Variants in DPYD observed in about 807,000 individuals in gnomAD.
The protein encoded by DPYD is dihydropyrimidine dehydrogenase [NADP(+)].
In DPYD, 109 loss-of-function variants were observed where a neutral mutation model predicts 116.2. The ratio of observed to expected loss-of-function variants is 0.94; its 90% CI spans 0.80 to 1.10. The LOEUF is 1.10. Among genes scored for constraint, DPYD ranks in the 50% least tolerant of loss-of-function variants. The pLI, the probability that DPYD is intolerant of heterozygous loss-of-function variation, is 0.00. For missense variants in DPYD, 1,302 were observed against 1,254.5 expected, an observed-to-expected ratio of 1.04 and a Z score of -0.57; for synonymous variants, 440 against 432.0, an observed-to-expected ratio of 1.02 and a Z score of -0.23.
intron 16 of DPYD, among the ~76,000 whole-genome samples, chr1:97,335,480 A>T (rs1268210057): frequency 6.6e-6 from 1 of 152,136 alleles, no homozygotes; most frequent in Non-Finnish European, 1.5e-5. Context: ...CTTCCTTAGA[A>T]ATTTTTTAAA....
At position 97,672,642 on chromosome 1, in the gene DPYD, T is replaced by C. The variant is rs556877548; in HGVS notation, c.850+6453A>G. ...TTACATTTTTATCTGGGGACAGAAG[T>C]AAAGCAAATGGTCTAAAAACTTAAT... On this transcript the variant is annotated intron_variant, in intron 8 of 22. Coordinates refer to ENST00000370192, the MANE Select transcript of DPYD (RefSeq NM_000110.4). 2.2e-4 allele frequency among the ~76,000 whole-genome samples: 34 copies of C among 152,274 alleles called. No individual in the cohort carries two copies. In the South Asian group the frequency reaches 6.8e-3, roughly 31 times the overall value.
intron 13 of DPYD, among the ~76,000 whole-genome samples, chr1:97,464,413 G>GA (rs1164413478): frequency 2.0e-5 from 3 of 152,112 alleles, no homozygotes; most frequent in Non-Finnish European, 4.4e-5. Flanking sequence ...AAAGACAACT[G>GA]AAAAAATGCC....
chr1:97,163,795 C>T (rs1314492206), intron 20 of DPYD, among the ~76,000 whole-genome samples: 1 of 152,170 alleles, frequency 6.6e-6, no homozygotes, highest in Non-Finnish European at 1.5e-5. Flanking sequence ...TCTCTTACTA[C>T]TGATGCTCTG....
intron 21 of DPYD, 135 bp downstream of exon 21, chr1:97,098,354 A>G: frequency 9.7e-7 from 1 of 1,027,256 alleles, no homozygotes; most frequent in African/African-American, 1.6e-5. Context: ...CACCATGGAC[A>G]GATGTTTTTA....
chr1:97,642,803 G>T (rs1658011308), intron 8 of DPYD, among the ~76,000 whole-genome samples: 1 of 150,822 alleles, frequency 6.6e-6, no homozygotes, highest in Admixed American at 6.6e-5. Flanking sequence ...AATGGCTGCA[G>T]CACACCAGCA....
rs562625563 is a variant in DPYD, at chr1:97,743,681, C to T, written c.234-3202G>A. Among the ~76,000 whole-genome samples the T allele has an allele frequency of 3.7e-4, 57 of 152,168 alleles. 1 individual carries two copies. The highest frequency in any genetic ancestry group is 1.3e-3 in the African/African-American group (52 of 41,550). On this transcript the variant is annotated intron_variant, in intron 3 of 22. Transcript: ENST00000370192. The stretch of plus-strand genomic sequence containing the variant: ...TGTCAGAATGTTATTACCTAAATTG[C>T]TTTAAATGATTGATACCATGAAAAA...
At chr1:97,117,800 G>A (rs1262839377) in intron 20 of DPYD, among the ~76,000 whole-genome samples, 1 of 152,092 alleles carries the variant, frequency 6.6e-6, no homozygotes. Flanking sequence ...TAGAAACTCT[G>A]ATAAAACAAT....
chr1:97,606,776 T>C (rs1655626985), intron 8 of DPYD, among the ~76,000 whole-genome samples: 1 of 151,914 alleles, frequency 6.6e-6, no homozygotes, highest in Admixed American at 6.6e-5. Context: ...AAAATAAGAA[T>C]GGAAGAAGGT....
Position 97,139,593 on chromosome 1 carries a change from G to A in DPYD, c.2623-40961C>T, listed in dbSNP as rs574231582. Among the ~76,000 whole-genome samples the A allele has an allele frequency of 1.4e-4, 21 of 152,200 alleles. No individual in the cohort carries two copies. The East Asian group carries it at 3.1e-3, about 22-fold the overall frequency. On this transcript the variant is annotated intron_variant, in intron 20 of 22. Transcript: ENST00000370192. ...TATCATTACATCCTTGGTTTTAAAC[G>A]TCATTACCACACTACCAGATATTTC...
At chr1:97,176,349 C>T (rs1048906493) in intron 20 of DPYD, among the ~76,000 whole-genome samples, 1 of 152,108 alleles carries the variant, frequency 6.6e-6, no homozygotes, top group Non-Finnish European at 1.5e-5. Context: ...CTCTATTGCC[C>T]CTATGGAGAT....
chr1:97,303,060 A>C (rs1226412287), intron 18 of DPYD, among the ~76,000 whole-genome samples: 2 of 151,898 alleles, frequency 1.3e-5, no homozygotes, highest in Non-Finnish European at 2.9e-5. Flanking sequence ...CAGGTATACT[A>C]CTCCAGGTGC....
At chr1:97,730,378 C>T (rs576269848) in intron 4 of DPYD, among the ~76,000 whole-genome samples, 2 of 152,036 alleles carry the variant, frequency 1.3e-5, no homozygotes, top group Non-Finnish European at 2.9e-5. Context: ...TGCACCATCA[C>T]GCCCGGCTAA....
Position 97,450,184 on chromosome 1 carries a change from T to C in DPYD, c.1780A>G (p.Thr594Ala). ...TNVSPRIIRGTTSGPMYGPGQ... is the reference protein window; with the variant it reads ...TNVSPRIIRGATSGPMYGPGQ... ...GGGCCATACATGGGGCCAGAGGTGGTTCCCCGGATGATTCTGGGGGAAACA... is the reference window on the plus strand; with the variant it reads ...GGGCCATACATGGGGCCAGAGGTGGCTCCCCGGATGATTCTGGGGGAAACA... Residue 594 changes from threonine (T) to alanine (A), a missense_variant, in exon 14 of 23, where the codon ACC (threonine) becomes GCC (alanine). Physicochemically the swap from Thr to Ala is moderately conservative, Grantham distance 58 (BLOSUM62 0). Transcript: ENST00000370192. The C allele has an allele frequency of 6.2e-7, 1 of 1,613,798 alleles. No homozygotes were observed. Among genetic ancestry groups the C allele is most frequent in the Admixed American group, 1.7e-5 (1 of 59,952 alleles).
chr1:97,828,084 G>C, intron 3 of DPYD, 30 bp downstream of exon 3: 2 of 1,598,538 alleles, frequency 1.3e-6, no homozygotes, highest in Non-Finnish European at 1.7e-6. Context: ...TACCACATCT[G>C]TGACTGTTGC....
At chr1:97,370,424 G>A (rs955666048) in intron 16 of DPYD, among the ~76,000 whole-genome samples, 5 of 152,068 alleles carry the variant, frequency 3.3e-5, no homozygotes, top group South Asian at 2.1e-4. Context: ...TTGGGGGTTG[G>A]GGGGTCAGAG....
intron 20 of DPYD, among the ~76,000 whole-genome samples, chr1:97,176,600 G>A (rs1657276579): frequency 6.6e-6 from 1 of 152,144 alleles, no homozygotes. Flanking sequence ...AAATTATAAA[G>A]TGCTTATATA....
chr1:97,718,585 CA>C (rs1315683123), intron 5 of DPYD, among the ~76,000 whole-genome samples: 2 of 151,904 alleles, frequency 1.3e-5, no homozygotes, highest in East Asian at 3.9e-4. Flanking sequence ...TTTTGACACA[CA>C]AATCCTGGAA....
At chr1:97,722,627 T>C (rs1168287863) in intron 4 of DPYD, among the ~76,000 whole-genome samples, 4 of 151,598 alleles carry the variant, frequency 2.6e-5, no homozygotes, top group Non-Finnish European at 5.9e-5. Flanking sequence ...CTTTGGCTTT[T>C]ATTTGTAATA....
intron 14 of DPYD, among the ~76,000 whole-genome samples, chr1:97,437,611 T>C (rs909801240): frequency 1.3e-5 from 2 of 151,976 alleles, no homozygotes; most frequent in Non-Finnish European, 2.9e-5. Flanking sequence ...GGTATATGTT[T>C]AAATTTCTAA....
Sources: allele counts gnomAD v4.1 joint callset (sites outside exome capture counted in the v4.1 genomes callset), GRCh38; gene constraint gnomAD v4.1.1; transcripts MANE v1.5; gene names NCBI Gene and HGNC (gene_info 2026-07-23, HGNC 2026-07-21).